FRMPD4: variants seen among roughly 807,000 people sequenced by gnomAD.
FRMPD4 encodes the protein FERM and PDZ domain containing 4.
FRMPD4 carries 22 observed loss-of-function variants against 94.1 expected under a neutral mutation model. The ratio of observed to expected loss-of-function variants is 0.23; its 90% CI spans 0.17 to 0.33. The LOEUF (loss-of-function observed/expected upper bound fraction) is 0.33, where lower values mean the gene tolerates loss of function less well. Ranked by LOEUF, FRMPD4 falls within the 10% of genes least tolerant of loss-of-function variation. The pLI is 1.00. For missense variants in FRMPD4, 1,111 were observed against 1,339.9 expected, an observed-to-expected ratio of 0.83 and a Z score of 2.67; for synonymous variants, 631 against 548.6, an observed-to-expected ratio of 1.15 and a Z score of -2.10.
chrX:12,193,801 AGGAAGGAAGGAAGGAAGGAAGGAAGGAGG>A (rs2056526662), intron 1 of FRMPD4, among the ~76,000 whole-genome samples: 2 of 27,468 alleles, frequency 7.3e-5, no homozygotes, highest in Non-Finnish European at 1.1e-4. Flanking sequence ...GAAGGAAGGA[AGGAAGGAAGGAAGGAAGGAAGGAAGGAGG>A]GAAGGAAGAA....
chrX:12,376,060 T>C (rs1381783641), intron 1 of FRMPD4, among the ~76,000 whole-genome samples: 2 of 112,424 alleles, frequency 1.8e-5, no homozygotes, highest in Non-Finnish European at 3.8e-5. Context: ...CATTCATTCC[T>C]GTGTTCCTCG....
intron 2 of FRMPD4, among the ~76,000 whole-genome samples, chrX:12,525,775 T>A (rs2058217264): frequency 8.9e-6 from 1 of 112,331 alleles, no homozygotes; most frequent in Non-Finnish European, 1.9e-5. Flanking sequence ...TTTCTCCATA[T>A]CCTTGACAAT....
chrX:12,039,785 C>T (rs1460024595), intron 3 of FRMPD4, among the ~76,000 whole-genome samples: 2 of 108,781 alleles, frequency 1.8e-5, no homozygotes, highest in East Asian at 2.9e-4. Flanking sequence ...GCCTGACCAA[C>T]GTGGAGAAAC....
intron 1 of FRMPD4, among the ~76,000 whole-genome samples, chrX:12,252,166 G>T (rs944423321): frequency 1.8e-5 from 2 of 111,616 alleles, no homozygotes; most frequent in African/African-American, 6.5e-5. Flanking sequence ...GGCTCAGAAA[G>T]GTTAAACGAC....
chrX:12,063,204 CTACAAAAA>C (rs1421783961), intron 3 of FRMPD4, among the ~76,000 whole-genome samples: 2 of 111,112 alleles, frequency 1.8e-5, no homozygotes, highest in African/African-American at 6.6e-5. Context: ...ACCCCAGTCT[CTACAAAAA>C]TACAAAAATT....
rs1410370400 is a variant in FRMPD4, at chrX:12,717,686, C to T, written c.2860C>T (p.Pro954Ser). ...HPLAEEQTEF[P>S]ASKTPAGGLP... Reference sequence around the variant, plus strand: ...CCTTGCAGAAGAGCAGACCGAGTTCCCGGCCTCCAAGACCCCCGCTGGGGG... The same window carrying T: ...CCTTGCAGAAGAGCAGACCGAGTTCTCGGCCTCCAAGACCCCCGCTGGGGG... The change falls in exon 16 of 17, where the codon CCG (proline) becomes TCG (serine). Residue 954 changes from proline to serine, a missense_variant. This residue lies in a region of FRMPD4 where 551 missense variants were observed against 591.6 expected (regional missense o/e 0.93). Coordinates refer to ENST00000675598, the MANE Select transcript of FRMPD4 (RefSeq NM_001368397.1). 2.5e-6 allele frequency: 3 copies of T among 1,209,831 alleles called. No individual in the cohort carries two copies. The highest frequency in any genetic ancestry group is 3.4e-6 in the Non-Finnish European group (3 of 894,707).
At chrX:12,368,864 G>A (rs752284567) in intron 1 of FRMPD4, among the ~76,000 whole-genome samples, 19 of 112,026 alleles carry the variant, frequency 1.7e-4, no homozygotes, top group African/African-American at 5.8e-4. Flanking sequence ...GGGAAACAGA[G>A]CGAGACTCTG....
chrX:12,651,456 A>G (rs1026066477), intron 4 of FRMPD4, among the ~76,000 whole-genome samples: 5 of 108,792 alleles, frequency 4.6e-5, no homozygotes, highest in African/African-American at 1.7e-4. Context: ...ATTTGTCCTT[A>G]CAACAATCCT....
intron 1 of FRMPD4, among the ~76,000 whole-genome samples, chrX:12,330,296 C>T (rs1364027475): frequency 1.8e-5 from 2 of 110,719 alleles, no homozygotes; most frequent in African/African-American, 6.6e-5. Flanking sequence ...TCATGATCAT[C>T]TTTAATGCCC....
At chrX:12,071,174 C>G (rs1413100937) in intron 3 of FRMPD4, among the ~76,000 whole-genome samples, 1 of 110,598 alleles carries the variant, frequency 9.0e-6, no homozygotes, top group East Asian at 2.9e-4. Context: ...GCTTCCCTTT[C>G]CCCTTCCTCC....
intron 1 of FRMPD4, among the ~76,000 whole-genome samples, chrX:12,166,742 C>T (rs1366745359): frequency 9.0e-6 from 1 of 111,289 alleles, no homozygotes; most frequent in African/African-American, 3.3e-5. Flanking sequence ...TGTTATTGGT[C>T]TATTAAGAGA....
intron 1 of FRMPD4, among the ~76,000 whole-genome samples, chrX:12,377,931 G>A (rs1041230792): frequency 8.9e-6 from 1 of 112,476 alleles, no homozygotes; most frequent in Non-Finnish European, 1.9e-5. Flanking sequence ...ATTGAATGTT[G>A]GTAAAAGGAG....
At chrX:12,282,783 G>C (rs2054545879) in intron 1 of FRMPD4, among the ~76,000 whole-genome samples, 1 of 111,921 alleles carries the variant, frequency 8.9e-6, no homozygotes, top group African/African-American at 3.3e-5. Flanking sequence ...GCCTTGGCCA[G>C]TCAGCCACAC....
chrX:12,162,908 A>G (rs954849684), intron 1 of FRMPD4, among the ~76,000 whole-genome samples: 38 of 111,905 alleles, frequency 3.4e-4, no homozygotes, highest in African/African-American at 1.1e-3. Flanking sequence ...GAACTCATCC[A>G]GCTGTTACAG....
chrX:12,231,030 G>GTGTGTATATATATATATATA (rs2056993261), intron 1 of FRMPD4, among the ~76,000 whole-genome samples: 1 of 26,410 alleles, frequency 3.8e-5, no homozygotes, highest in African/African-American at 1.2e-4. Flanking sequence ...TATATATATA[G>GTGTGTATATATATATATATA]TATATATATA....
At chrX:11,883,065 G>T (rs772800768) in intron 3 of FRMPD4, among the ~76,000 whole-genome samples, 1 of 111,663 alleles carries the variant, frequency 9.0e-6, no homozygotes, top group South Asian at 3.8e-4. Flanking sequence ...CTAGGCCTTC[G>T]GGATCCAACA....
chrX:12,027,755 G>A (rs958592584), intron 3 of FRMPD4, among the ~76,000 whole-genome samples: 18 of 112,124 alleles, frequency 1.6e-4, no homozygotes, highest in Non-Finnish European at 3.2e-4. Flanking sequence ...ATCTGGGTTA[G>A]GTTACTTGTA....
At chrX:11,843,062 G>T (rs1406490013) in intron 1 of FRMPD4, among the ~76,000 whole-genome samples, 1 of 111,875 alleles carries the variant, frequency 8.9e-6, no homozygotes, top group Non-Finnish European at 1.9e-5. Context: ...TGATCACATG[G>T]TTTTTTGTCC....
At chrX:12,606,948 G>A (rs2059136830) in intron 2 of FRMPD4, among the ~76,000 whole-genome samples, 1 of 111,449 alleles carries the variant, frequency 9.0e-6, no homozygotes, top group Non-Finnish European at 1.9e-5. Flanking sequence ...TCTTCCCCAG[G>A]CATACCCAGC....
Sources: allele counts gnomAD v4.1 joint callset (sites outside exome capture counted in the v4.1 genomes callset), GRCh38; gene constraint gnomAD v4.1.1; regional missense constraint gnomAD v4.1.1; transcripts MANE v1.5; gene names NCBI Gene and HGNC (gene_info 2026-07-23, HGNC 2026-07-21).